Variants in KLHL1 observed in about 807,000 individuals in gnomAD.
KLHL1 encodes the protein kelch like family member 1.
A neutral mutation model predicts 77.7 loss-of-function variants in KLHL1; 47 were observed. The ratio of observed to expected loss-of-function variants is 0.60; its 90% CI spans 0.48 to 0.77. KLHL1 has a LOEUF of 0.77. KLHL1 is among the 30% of genes least tolerant of loss of function. KLHL1 has a pLI of 0.00. For missense variants in KLHL1, 925 were observed against 910.8 expected, an observed-to-expected ratio of 1.02 and a Z score of -0.20; for synonymous variants, 360 against 325.2, an observed-to-expected ratio of 1.11 and a Z score of -1.15.
At chr13:69,721,702 A>T (rs530163738) in intron 8 of KLHL1, among the ~76,000 whole-genome samples, 1 of 152,208 alleles carries the variant, frequency 6.6e-6, no homozygotes, top group African/African-American at 2.4e-5. Flanking sequence ...AAATCCTGGG[A>T]ATGTTTTTCT....
intron 4 of KLHL1, among the ~76,000 whole-genome samples, chr13:69,883,946 C>T (rs572500330): frequency 2.9e-4 from 44 of 152,204 alleles, no homozygotes; most frequent in East Asian, 1.9e-4. Context: ...AAAGCCACAG[C>T]GGTGGTAGCA....
At chr13:69,743,601 A>G (rs1198028738) in intron 7 of KLHL1, among the ~76,000 whole-genome samples, 1 of 152,076 alleles carries the variant, frequency 6.6e-6, no homozygotes, top group Non-Finnish European at 1.5e-5. Context: ...CCTGGCCAAC[A>G]AGGCAAAAAT....
At chr13:70,019,741 A>C (rs956484708) in intron 1 of KLHL1, among the ~76,000 whole-genome samples, 2 of 152,160 alleles carry the variant, frequency 1.3e-5, no homozygotes, top group Non-Finnish European at 2.9e-5. Context: ...TCCATATATT[A>C]TACTGTCTCT....
intron 1 of KLHL1, among the ~76,000 whole-genome samples, chr13:70,009,239 T>C (rs1885475210): frequency 6.6e-6 from 1 of 152,066 alleles, no homozygotes; most frequent in Admixed American, 6.6e-5. Flanking sequence ...GACTACACAC[T>C]GCAATGAAAT....
intron 1 of KLHL1, among the ~76,000 whole-genome samples, chr13:70,101,633 T>C (rs1022322685): frequency 3.9e-5 from 6 of 152,056 alleles, no homozygotes; most frequent in African/African-American, 1.2e-4. Context: ...TTCACCATGT[T>C]GGCCAGGCTG....
intron 9 of KLHL1, among the ~76,000 whole-genome samples, chr13:69,715,524 T>A (rs74657546): frequency 4.6e-5 from 1 of 21,886 alleles, no homozygotes; most frequent in Non-Finnish European, 1.2e-4. Context: ...TTTTATTATT[T>A]ATTTTTTTTT....
At chr13:70,033,495 G>A (rs1276787438) in intron 1 of KLHL1, among the ~76,000 whole-genome samples, 1 of 150,806 alleles carries the variant, frequency 6.6e-6, no homozygotes, top group African/African-American at 2.4e-5. Context: ...TTTTAGTAGA[G>A]ATGGGGTTTC....
intron 7 of KLHL1, among the ~76,000 whole-genome samples, chr13:69,779,624 T>C (rs1236351402): frequency 1.3e-5 from 2 of 151,916 alleles, no homozygotes; most frequent in East Asian, 3.9e-4. Flanking sequence ...AATTCCAAAA[T>C]ATTATTTGAA....
At chr13:69,905,996 C>A (rs754755298) in intron 4 of KLHL1, among the ~76,000 whole-genome samples, 2 of 152,014 alleles carry the variant, frequency 1.3e-5, no homozygotes, top group African/African-American at 4.8e-5. Flanking sequence ...TTGATGTCCC[C>A]AAATTAATCC....
intron 6 of KLHL1, among the ~76,000 whole-genome samples, chr13:69,803,890 A>G (rs1387700047): frequency 6.6e-6 from 1 of 152,204 alleles, no homozygotes; most frequent in East Asian, 1.9e-4. Context: ...ATAAATTTGG[A>G]AAAGTTCCAG....
At chr13:70,084,588 A>C (rs903427046) in intron 1 of KLHL1, among the ~76,000 whole-genome samples, 25 of 118,692 alleles carry the variant, frequency 2.1e-4, no homozygotes, top group Non-Finnish European at 3.6e-4. Context: ...CCTCCCGAGT[A>C]GCTGGGACTA....
At chr13:69,856,231 A>G (rs548533285) in intron 5 of KLHL1, among the ~76,000 whole-genome samples, 1 of 152,120 alleles carries the variant, frequency 6.6e-6, no homozygotes, top group African/African-American at 2.4e-5. Context: ...TTCATTTCAA[A>G]GGGCAGGTAT....
intron 6 of KLHL1, among the ~76,000 whole-genome samples, chr13:69,822,147 T>G (rs144171952): frequency 0.02 from 2,876 of 144,618 alleles, 93 homozygotes; most frequent in African/African-American, 0.07. Flanking sequence ...TGCAGTGAGC[T>G]GAGATCACCC....
chr13:70,105,229 A>T (rs1388282415), intron 1 of KLHL1, among the ~76,000 whole-genome samples: 1 of 152,040 alleles, frequency 6.6e-6, no homozygotes, highest in Non-Finnish European at 1.5e-5. Flanking sequence ...TAAAAATAAT[A>T]AACTATTTTC....
intron 1 of KLHL1, among the ~76,000 whole-genome samples, chr13:70,013,497 C>G (rs1334194989): frequency 1.3e-5 from 2 of 152,156 alleles, no homozygotes; most frequent in Non-Finnish European, 2.9e-5. Context: ...TAGGTTGTTT[C>G]TAGCTTAATT....
At chr13:69,777,481 C>T (rs141544559) in intron 7 of KLHL1, among the ~76,000 whole-genome samples, 2 of 152,120 alleles carry the variant, frequency 1.3e-5, no homozygotes, top group East Asian at 3.9e-4. Flanking sequence ...TCTTGTACTG[C>T]AAAAGGATAT....
intron 4 of KLHL1, among the ~76,000 whole-genome samples, chr13:69,920,088 T>C (rs1882583173): frequency 7.0e-6 from 1 of 142,838 alleles, no homozygotes; most frequent in Non-Finnish European, 1.5e-5. Context: ...TGGAAAACAA[T>C]TTACAATATT....
chr13:69,870,113 T>G (rs1880523110), intron 5 of KLHL1, among the ~76,000 whole-genome samples: 1 of 152,176 alleles, frequency 6.6e-6, no homozygotes, highest in Non-Finnish European at 1.5e-5. Context: ...GTGTAATTTA[T>G]AAATAAAATA....
intron 1 of KLHL1, among the ~76,000 whole-genome samples, chr13:70,104,348 T>G (rs1471801813): frequency 1.3e-5 from 2 of 152,162 alleles, no homozygotes; most frequent in African/African-American, 4.8e-5. Context: ...GGTTGGGTTT[T>G]GGCCCTAAAT....
Sources: allele counts gnomAD v4.1 joint callset (sites outside exome capture counted in the v4.1 genomes callset), GRCh38; gene constraint gnomAD v4.1.1; transcripts MANE v1.5; gene names NCBI Gene and HGNC (gene_info 2026-07-23, HGNC 2026-07-21).